Variants in THADA observed in about 807,000 individuals in gnomAD.
The protein encoded by THADA is tRNA (32-2'-O)-methyltransferase regulator THADA.
A neutral mutation model predicts 219.8 loss-of-function variants in THADA; 213 were observed. The observed-to-expected ratio is 0.97, with a 90% CI of 0.87 to 1.09. The LOEUF is 1.09. Among genes scored for constraint, THADA ranks in the 50% least tolerant of loss-of-function variants. The pLI, the probability that THADA is intolerant of heterozygous loss-of-function variation, is 0.00. For missense variants in THADA, 2,956 were observed against 2,311.3 expected (o/e 1.28, Z -5.72); for synonymous variants, 1,018 against 828.9 (o/e 1.23, Z -3.92).
intron 17 of THADA, among the ~76,000 whole-genome samples, chr2:43,553,125 T>C (rs979085478): frequency 4.6e-5 from 7 of 152,248 alleles, no homozygotes; most frequent in Non-Finnish European, 8.8e-5. Context: ...CACATGGATA[T>C]ACCACATTTT....
chr2:43,489,444 T>TAACTAAATGTTATCTA (rs1308410282), intron 25 of THADA, among the ~76,000 whole-genome samples: 1 of 152,206 alleles, frequency 6.6e-6, no homozygotes, highest in Non-Finnish European at 1.5e-5. Flanking sequence ...GTGTCATATC[T>TAACTAAATGTTATCTA]AACTAAATGT....
Position 43,230,921 on chromosome 2 carries a change from C to T in THADA, c.*27G>A, listed in dbSNP as rs930681531. On this transcript the variant is annotated 3_prime_UTR_variant, in exon 38 of 38. Transcript: ENST00000405975. ...TTAGTGGAGGAAAAATCCACACATA[C>T]CCCCATCCCAATCCCCCAGATTTTC... The T allele has an allele frequency of 8.8e-6, 14 of 1,582,196 alleles. No homozygotes were observed. Among genetic ancestry groups the T allele is most frequent in the African/African-American group, 2.7e-5 (2 of 73,896 alleles).
At chr2:43,540,250 T>C (rs1440651466) in intron 21 of THADA, among the ~76,000 whole-genome samples, 1 of 152,222 alleles carries the variant, frequency 6.6e-6, no homozygotes, top group East Asian at 1.9e-4. Flanking sequence ...TAATGATGCC[T>C]GAAATGTCCT....
intron 28 of THADA, among the ~76,000 whole-genome samples, chr2:43,414,282 A>T (rs1408653928): frequency 6.6e-6 from 1 of 152,218 alleles, no homozygotes; most frequent in Non-Finnish European, 1.5e-5. Context: ...TTAAGTGTAC[A>T]GTTCAGTGGC....
Position 43,383,886 on chromosome 2 carries a change from T to C in THADA, c.4227+14085A>G, listed in dbSNP as rs546921181. 5.3e-5 allele frequency among the ~76,000 whole-genome samples: 8 copies of C among 152,322 alleles called. No homozygotes were observed. In the South Asian group the frequency reaches 1.7e-3, roughly 32 times the overall value. On this transcript the variant is annotated intron_variant, in intron 29 of 37. Coordinates refer to ENST00000405975, the MANE Select transcript of THADA (RefSeq NM_022065.5). ...TTTATACAAAAATACCAAAACATATTCACTTGAACATAAATTCTTGGGCAG... is the reference window on the plus strand; with the variant it reads ...TTTATACAAAAATACCAAAACATATCCACTTGAACATAAATTCTTGGGCAG...
rs540881404 is a variant in THADA at position 43,350,099 on chromosome 2, T to C, written c.4228-5862A>G. 3.3e-5 allele frequency among the ~76,000 whole-genome samples: 5 copies of C among 152,306 alleles called. No individual in the cohort carries two copies. The East Asian group carries it at 7.7e-4, about 23-fold the overall frequency. ...AGGGTGATGTCAGGCCCCCTTTTTT[T>C]CTCGACTCACTGGGTAGAACAGGCA... On this transcript the variant is annotated intron_variant, in intron 29 of 37. Coordinates refer to ENST00000405975, the MANE Select transcript of THADA (RefSeq NM_022065.5).
intron 30 of THADA, among the ~76,000 whole-genome samples, chr2:43,328,923 T>A (rs1679645015): frequency 1.3e-5 from 2 of 152,198 alleles, no homozygotes. Flanking sequence ...CCAGGGAGCC[T>A]CCAGAATCCT....
intron 35 of THADA, among the ~76,000 whole-genome samples, chr2:43,285,353 G>T (rs1673865206): frequency 6.6e-6 from 1 of 152,154 alleles, no homozygotes; most frequent in Admixed American, 6.5e-5. Flanking sequence ...GACAGTGAGT[G>T]AGTTCTTATG....
At chr2:43,504,215 G>A (rs6708735) in intron 24 of THADA, among the ~76,000 whole-genome samples, 21,372 of 152,098 alleles carry the variant, frequency 0.14, 2,007 homozygotes, top group African/African-American at 0.27. Flanking sequence ...ATGTCTTGAA[G>A]TGATCATTTT....
chr2:43,414,832 T>C (rs892366681), intron 28 of THADA, among the ~76,000 whole-genome samples: 1 of 152,144 alleles, frequency 6.6e-6, no homozygotes, highest in African/African-American at 2.4e-5. Context: ...GGAACTATTC[T>C]GGGAGGGCAC....
chr2:43,547,940 C>T (rs1240487631), intron 20 of THADA, among the ~76,000 whole-genome samples: 4 of 152,144 alleles, frequency 2.6e-5, no homozygotes, highest in Admixed American at 1.3e-4. Context: ...GGAAAGGCAC[C>T]CTGCTTTTTA....
chr2:43,455,184 G>C (rs1297193574), intron 26 of THADA, among the ~76,000 whole-genome samples: 1 of 152,084 alleles, frequency 6.6e-6, no homozygotes, highest in Non-Finnish European at 1.5e-5. Flanking sequence ...ATCTCTGGCA[G>C]TGTCCTTTTA....
intron 20 of THADA, among the ~76,000 whole-genome samples, chr2:43,543,130 T>C (rs1299771225): frequency 6.7e-6 from 1 of 150,264 alleles, no homozygotes; most frequent in African/African-American, 2.5e-5. Flanking sequence ...TGGTGTTTCG[T>C]TTTTTGTTCT....
At chr2:43,431,284 C>A (rs6544659) in intron 26 of THADA, among the ~76,000 whole-genome samples, 81,680 of 151,886 alleles carry the variant, frequency 0.54, 22,448 homozygotes, top group South Asian at 0.63. Flanking sequence ...TCAACCCACA[C>A]ATACATACAC....
chr2:43,344,746 G>C (rs10196095), intron 29 of THADA, among the ~76,000 whole-genome samples: 2 of 151,304 alleles, frequency 1.3e-5, no homozygotes, highest in African/African-American at 4.9e-5. Context: ...AGTGATGTTT[G>C]TAACTATTTA....
At chr2:43,578,637 G>A in intron 8 of THADA, 30 bp from the exon 9 acceptor site, 2 of 1,486,636 alleles carry the variant, frequency 1.3e-6, no homozygotes, top group Non-Finnish European at 1.9e-6. Context: ...AGAAGCTTGT[G>A]TTAAATAATG....
At chr2:43,510,660 T>TAAAAAAA (rs397729303) in intron 22 of THADA, among the ~76,000 whole-genome samples, 1 of 122,392 alleles carries the variant, frequency 8.2e-6, no homozygotes, top group African/African-American at 3.1e-5. Flanking sequence ...TTCTTCACTG[T>TAAAAAAA]AAAAAAAAAA....
intron 25 of THADA, among the ~76,000 whole-genome samples, chr2:43,496,100 A>C (rs1310736631): frequency 2.0e-5 from 3 of 152,210 alleles, no homozygotes; most frequent in Non-Finnish European, 2.9e-5. Flanking sequence ...TGGTTTGTGC[A>C]GCTTACTAAC....
At chr2:43,552,934 C>G (rs560883422) in intron 17 of THADA, among the ~76,000 whole-genome samples, 1 of 152,226 alleles carries the variant, frequency 6.6e-6, no homozygotes, top group African/African-American at 2.4e-5. Context: ...GTAGGCAAAT[C>G]TATAGACAGA....
Sources: allele counts gnomAD v4.1 joint callset (sites outside exome capture counted in the v4.1 genomes callset), GRCh38; gene constraint gnomAD v4.1.1; transcripts MANE v1.5; gene names NCBI Gene and HGNC (gene_info 2026-07-23, HGNC 2026-07-21).